DLC1: variants seen among roughly 807,000 people sequenced by gnomAD.
The protein encoded by DLC1 is rho GTPase-activating protein 7.
DLC1 carries 54 observed loss-of-function variants against 140.3 expected under a neutral mutation model. The ratio of observed to expected loss-of-function variants is 0.38; its 90% CI spans 0.31 to 0.48. The LOEUF (loss-of-function observed/expected upper bound fraction) is 0.48, where lower values mean the gene tolerates loss of function less well. Among genes scored for constraint, DLC1 ranks in the 20% least tolerant of loss-of-function variants. DLC1 has a pLI of 0.96. For missense variants in DLC1, 2,536 were observed against 1,907.0 expected (o/e 1.33, Z -6.14); for synonymous variants, 986 against 728.1 (o/e 1.35, Z -5.70).
chr8:13,252,451 G>A lies in DLC1; in HGVS notation c.1348+52818C>T, dbSNP rs755253048. On this transcript the variant is annotated intron_variant, in intron 5 of 17. Transcript: ENST00000276297. ...GAAGCTTAACATGAACCATCAGTGC[G>A]GTATAGGTGATACAAAGACAACAGA... 5.9e-5 allele frequency among the ~76,000 whole-genome samples: 9 copies of A among 152,254 alleles called. No individual in the cohort carries two copies. In the East Asian group the frequency reaches 1.2e-3, roughly 20 times the overall value.
At chr8:13,502,692 C>T (rs1033393510) in intron 1 of DLC1, among the ~76,000 whole-genome samples, 6 of 152,180 alleles carry the variant, frequency 3.9e-5, no homozygotes, top group African/African-American at 1.4e-4. Context: ...TCCTGTGAGC[C>T]TCCTCACTGG....
At chr8:13,285,399 A>G (rs112777749) in intron 5 of DLC1, among the ~76,000 whole-genome samples, 22 of 152,314 alleles carry the variant, frequency 1.4e-4, no homozygotes, top group African/African-American at 4.1e-4. Context: ...ATTAACTCTA[A>G]ATGGAACATA....
At chr8:13,160,898 G>A (rs754877243) in intron 5 of DLC1, among the ~76,000 whole-genome samples, 2 of 152,100 alleles carry the variant, frequency 1.3e-5, no homozygotes, top group Non-Finnish European at 2.9e-5. Context: ...CCATCATGGC[G>A]GTGAAACCCC....
intron 3 of DLC1, among the ~76,000 whole-genome samples, chr8:13,396,019 C>T (rs1384759120): frequency 1.3e-5 from 2 of 150,302 alleles, no homozygotes; most frequent in South Asian, 2.1e-4. Context: ...TATATTTGAC[C>T]TTTAGGTATA....
chr8:13,417,753 A>C (rs1369010223), intron 2 of DLC1, among the ~76,000 whole-genome samples: 1 of 152,030 alleles, frequency 6.6e-6, no homozygotes, highest in Non-Finnish European at 1.5e-5. Flanking sequence ...GTCAAATGGT[A>C]TTTCTAGTTC....
chr8:13,258,679 T>C (rs36119970), intron 5 of DLC1, among the ~76,000 whole-genome samples: 1 of 152,122 alleles, frequency 6.6e-6, no homozygotes, highest in Non-Finnish European at 1.5e-5. Flanking sequence ...AAAGTATCAA[T>C]GGCCTATGTA....
chr8:13,584,047 A>C (rs1363913035), intron 1 of DLC1: 3 of 152,470 alleles, frequency 2.0e-5, no homozygotes, highest in African/African-American at 7.2e-5. Flanking sequence ...ACTGGTAGAA[A>C]GTGTCTGAGT....
intron 1 of DLC1, among the ~76,000 whole-genome samples, chr8:13,537,312 A>G (rs1803315649): frequency 6.6e-6 from 1 of 152,090 alleles, no homozygotes; most frequent in South Asian, 2.1e-4. Context: ...ATAAACTGTG[A>G]TCACGTGGGA....
Position 13,312,083 on chromosome 8 carries a change from C to T in DLC1, c.1315-6781G>A, listed in dbSNP as rs112714486. On this transcript the variant is annotated intron_variant, in intron 4 of 17. Coordinates refer to ENST00000276297, the MANE Select transcript of DLC1 (RefSeq NM_182643.3). The stretch of plus-strand genomic sequence containing the variant: ...TTTTTTAAAAATAATTTCTTTAGGC[C>T]GGGCGCGGTGGCTCACGCCTGTAAT... 2.9e-4 allele frequency among the ~76,000 whole-genome samples: 38 copies of T among 131,368 alleles called. 1 individual carries two copies. The highest frequency in any genetic ancestry group is 9.3e-4 in the Admixed American group (12 of 12,878). The allele number at this position is 131,368 out of a possible 152,430, so 86.2% of individuals were successfully genotyped here.
At chr8:13,149,122 C>A (rs941072001) in intron 5 of DLC1, among the ~76,000 whole-genome samples, 2 of 152,128 alleles carry the variant, frequency 1.3e-5, no homozygotes, top group Non-Finnish European at 2.9e-5. Flanking sequence ...GTTTGGAAAT[C>A]TCTCAGCAGA....
Position 13,151,007 on chromosome 8 carries a change from G to A in DLC1, c.1349-35350C>T, listed in dbSNP as rs554838710. Among the ~76,000 whole-genome samples, 3 of 152,344 alleles carry A rather than the reference G, an allele frequency of 2.0e-5. No individual in the cohort carries two copies. In the South Asian group the frequency reaches 6.2e-4, roughly 32 times the overall value. On this transcript the variant is annotated intron_variant, in intron 5 of 17. Transcript: ENST00000276297. ...GTGTCTTGGATAAGAGATGTCTACA[G>A]ATGGAACAGGGTAGTTGGGAGGTAA... is the stretch of plus-strand genomic sequence containing the variant.
rs1026482909 is a variant in DLC1 at position 13,100,304 on chromosome 8, C to G, written c.2033G>C (p.Ser678Thr). 1 of 1,614,156 alleles carries G rather than the reference C, an allele frequency of 6.2e-7. No homozygotes were observed. The highest frequency in any genetic ancestry group is 8.5e-7 in the Non-Finnish European group (1 of 1,180,048). Residue 678 changes from serine to threonine, a missense_variant, in exon 9 of 18, where the codon AGC (serine) becomes ACC (threonine). Coordinates refer to ENST00000276297, the MANE Select transcript of DLC1 (RefSeq NM_182643.3). ...LKRMESLKLK[S>T]SHHSKHKAPS... ...CGCTTTGTGCTTGCTGTGATGGGAG[C>G]TCTTGAGCTTCAGGCTCTCCATCCG...
intron 5 of DLC1, among the ~76,000 whole-genome samples, chr8:13,264,153 C>T (rs1174215517): frequency 6.6e-6 from 1 of 151,886 alleles, no homozygotes; most frequent in East Asian, 1.9e-4. Context: ...ACTGCAACCT[C>T]TCCCTCCCGG....
chr8:13,450,974 G>A (rs908200354), intron 2 of DLC1, among the ~76,000 whole-genome samples: 1 of 138,962 alleles, frequency 7.2e-6, no homozygotes, highest in African/African-American at 2.7e-5. Flanking sequence ...GGGAGGCAGA[G>A]GTTGCAGTGA....
At chr8:13,469,393 C>T (rs571686070) in intron 2 of DLC1, among the ~76,000 whole-genome samples, 2 of 152,130 alleles carry the variant, frequency 1.3e-5, no homozygotes, top group Non-Finnish European at 2.9e-5. Flanking sequence ...AGCTCTGACT[C>T]CCTGAGCTCT....
chr8:13,211,836 G>A (rs569565737), intron 5 of DLC1, among the ~76,000 whole-genome samples: 5 of 152,182 alleles, frequency 3.3e-5, no homozygotes, highest in Non-Finnish European at 7.3e-5. Flanking sequence ...CCAAATTGAG[G>A]AAGAGTAGAG....
intron 5 of DLC1, among the ~76,000 whole-genome samples, chr8:13,192,792 AT>A (rs1388904774): frequency 6.6e-6 from 1 of 152,230 alleles, no homozygotes; most frequent in Non-Finnish European, 1.5e-5. Context: ...GCACAAAGGG[AT>A]GACCCTCTGA....
chr8:13,552,202 T>G (rs773108953), intron 1 of DLC1, among the ~76,000 whole-genome samples: 8 of 144,224 alleles, frequency 5.5e-5, no homozygotes, highest in Middle Eastern at 7.1e-3. Flanking sequence ...TGTCTAGAGG[T>G]GTATATATAT....
intron 2 of DLC1, among the ~76,000 whole-genome samples, chr8:13,490,564 A>G (rs934292600): frequency 7.9e-5 from 12 of 152,196 alleles, no homozygotes; most frequent in African/African-American, 1.4e-4. Context: ...ATTTATCCCA[A>G]CTTGTGTGGA....
Sources: gnomAD v4.1 joint callset for allele counts (sites outside exome capture counted in the v4.1 genomes callset) on GRCh38, gnomAD v4.1.1 for gene constraint, MANE v1.5 for transcripts, NCBI Gene and HGNC (gene_info 2026-07-23, HGNC 2026-07-21) for gene names.